The following SCUBE1 variants were observed in gnomAD, a reference collection of about 807,000 sequenced individuals.
SCUBE1 encodes the protein signal peptide, CUB and EGF-like domain-containing protein 1.
SCUBE1 carries 59 observed loss-of-function variants against 124.4 expected under a neutral mutation model. That is an observed-to-expected ratio of 0.47 (90% CI 0.38 to 0.59). The LOEUF is 0.59. Ranked by LOEUF, SCUBE1 falls within the 20% of genes least tolerant of loss-of-function variation. The pLI is 0.00. For missense variants in SCUBE1, 1,150 were observed against 1,371.2 expected (o/e 0.84, Z 2.55); for synonymous variants, 545 against 550.9 (o/e 0.99, Z 0.15).
chr22:43,309,108 C>T (rs572942519), intron 3 of SCUBE1, among the ~76,000 whole-genome samples: 2 of 152,158 alleles, frequency 1.3e-5, no homozygotes, highest in East Asian at 3.9e-4. Context: ...ACGGCCCAGG[C>T]CCAGGCTCGC....
At chr22:43,275,351 G>A (rs1232011918) in intron 4 of SCUBE1, among the ~76,000 whole-genome samples, 4 of 152,238 alleles carry the variant, frequency 2.6e-5, no homozygotes, top group Admixed American at 2.0e-4. Context: ...TGCTCTGCAC[G>A]AGGGGTGTGA....
chr22:43,279,134 C>T (rs1924655625), intron 4 of SCUBE1, among the ~76,000 whole-genome samples: 1 of 152,166 alleles, frequency 6.6e-6, no homozygotes, highest in Non-Finnish European at 1.5e-5. Flanking sequence ...GTTTCAGATA[C>T]AGGCTGCCCC....
intron 2 of SCUBE1, among the ~76,000 whole-genome samples, chr22:43,331,845 A>T (rs1399365868): frequency 6.6e-6 from 1 of 152,200 alleles, no homozygotes; most frequent in African/African-American, 2.4e-5. Flanking sequence ...TGAAAGGCCC[A>T]TGCCCCAGGG....
At chr22:43,270,677 A>T (rs969673161) in intron 4 of SCUBE1, 2 of 152,246 alleles carry the variant, frequency 1.3e-5, no homozygotes, top group African/African-American at 4.8e-5. Flanking sequence ...AGAGAAGTGG[A>T]GCGATTTGCC....
chr22:43,299,716 A>G (rs1925696134), intron 3 of SCUBE1, among the ~76,000 whole-genome samples: 1 of 152,190 alleles, frequency 6.6e-6, no homozygotes, highest in Admixed American at 6.5e-5. Flanking sequence ...GTGTTGCACG[A>G]CCATCACTAC....
At chr22:43,266,345 C>T (rs950631833) in intron 4 of SCUBE1, among the ~76,000 whole-genome samples, 34 of 152,068 alleles carry the variant, frequency 2.2e-4, no homozygotes, top group African/African-American at 8.0e-4. Context: ...ACCCTACAAC[C>T]ACTGCAAGGA....
At chr22:43,303,756 G>A (rs1039215735) in intron 3 of SCUBE1, among the ~76,000 whole-genome samples, 2 of 152,234 alleles carry the variant, frequency 1.3e-5, no homozygotes, top group Non-Finnish European at 2.9e-5. Context: ...ATTCTGAGCC[G>A]ATAAGGAATT....
At chr22:43,218,093 T>C (rs12053796) in intron 15 of SCUBE1, among the ~76,000 whole-genome samples, 162 bp downstream of exon 15, 40,891 of 152,092 alleles carry the variant, frequency 0.27, 7,467 homozygotes, top group East Asian at 0.52. Context: ...CAAATGACAG[T>C]GATGACCATG....
chr22:43,258,772 C>T lies in SCUBE1; in HGVS notation c.611-437G>A, dbSNP rs143906411. Among the ~76,000 whole-genome samples the T allele has an allele frequency of 1.7e-3, 260 of 152,304 alleles. 1 individual carries two copies. The highest frequency in any genetic ancestry group is 5.8e-3 in the African/African-American group (241 of 41,550). ...GCGGCCCGTGGTTCCAGGTGACCCT[C>T]ATTTCCTTAGTTCTGGCAGAGCTTT... On this transcript the variant is annotated intron_variant, in intron 5 of 21. Coordinates refer to ENST00000360835, the MANE Select transcript of SCUBE1 (RefSeq NM_173050.5). This position sits in a 1 kb window ranked among gnomAD's most constrained non-coding sequence, Gnocchi z 5.0.
chr22:43,210,909 C>G lies in SCUBE1; in HGVS notation c.2383+13G>C, dbSNP rs759317979. The G allele has an allele frequency of 6.2e-7, 1 of 1,613,844 alleles. No homozygotes were observed. The highest frequency in any genetic ancestry group is 2.2e-5 in the East Asian group (1 of 44,882). On this transcript the variant is annotated intron_variant, in intron 18 of 21. Coordinates refer to ENST00000360835, the MANE Select transcript of SCUBE1 (RefSeq NM_173050.5). This position sits in a 1 kb window ranked among gnomAD's most constrained non-coding sequence, Gnocchi z 4.5. ...GTGTTCCCAGCTTCCCACGGCAGAG[C>G]AGCAGCACCCACTTTTGCAGTGTGT...
chr22:43,283,456 T>A (rs1385337324), intron 4 of SCUBE1: 4 of 152,230 alleles, frequency 2.6e-5, no homozygotes, highest in Admixed American at 6.5e-5. Flanking sequence ...AGGGGTCAAA[T>A]GAAGCAGTAT....
Position 43,203,831 on chromosome 22 carries a change from G to C in SCUBE1, c.*166C>G. ...GCAGGGTGCTCCCACAGGGGCAGCGGGTCCGAAGGGTGCCTGGGCTCGGTC... is the reference window on the plus strand; with the variant it reads ...GCAGGGTGCTCCCACAGGGGCAGCGCGTCCGAAGGGTGCCTGGGCTCGGTC... On this transcript the variant is annotated 3_prime_UTR_variant, in exon 22 of 22. Coordinates refer to ENST00000360835, the MANE Select transcript of SCUBE1 (RefSeq NM_173050.5). 1.5e-6 allele frequency: 1 copy of C among 659,274 alleles called. No individual in the cohort carries two copies. Among genetic ancestry groups the C allele is most frequent in the South Asian group, 2.0e-5 (1 of 50,754 alleles). The allele number at this position is 659,274 out of a possible 1,614,324, so 40.8% of individuals were successfully genotyped here.
At chr22:43,283,552 C>A (rs2146742440) in intron 4 of SCUBE1, 1 of 152,352 alleles carries the variant, frequency 6.6e-6, no homozygotes, top group South Asian at 2.1e-4. Context: ...TATCTCCTTT[C>A]ATTCTCACAA....
intron 2 of SCUBE1, among the ~76,000 whole-genome samples, chr22:43,338,408 C>T (rs375108260): frequency 1.2e-3 from 190 of 152,306 alleles, no homozygotes; most frequent in Middle Eastern, 3.4e-3. Context: ...TTGAACTTGA[C>T]GTTAGGGACT....
rs1220849825 is a variant in SCUBE1, at chr22:43,258,843, C to A, written c.611-508G>T. Reference sequence around the variant, plus strand: ...GGTGTGTGGATGTCTCCACGGAGGTCCCCCCTCAGAGTCCCAGGGGCCACC... The same window carrying A: ...GGTGTGTGGATGTCTCCACGGAGGTACCCCCTCAGAGTCCCAGGGGCCACC... On this transcript the variant is annotated intron_variant, in intron 5 of 21. Transcript: ENST00000360835. This position sits in a 1 kb window ranked among gnomAD's most constrained non-coding sequence, Gnocchi z 5.0. Among the ~76,000 whole-genome samples, 1 of 152,134 alleles carries A rather than the reference C, an allele frequency of 6.6e-6. No individual in the cohort carries two copies. Among genetic ancestry groups the A allele is most frequent in the South Asian group, 2.1e-4 (1 of 4,824 alleles).
chr22:43,216,461 T>C (rs868118101), intron 15 of SCUBE1, among the ~76,000 whole-genome samples: 95 of 149,376 alleles, frequency 6.4e-4, no homozygotes, highest in African/African-American at 2.2e-3. Flanking sequence ...GAGACCAGCC[T>C]GGCCAACATA....
chr22:43,251,498 G>GC (rs972394953), intron 6 of SCUBE1, among the ~76,000 whole-genome samples: 20 of 152,308 alleles, frequency 1.3e-4, no homozygotes, highest in Middle Eastern at 3.4e-3. Flanking sequence ...ATCTGGAGGG[G>GC]CCCAGCGTGA....
chr22:43,266,535 C>A (rs533041634), intron 4 of SCUBE1, among the ~76,000 whole-genome samples: 2 of 152,176 alleles, frequency 1.3e-5, no homozygotes, highest in African/African-American at 4.8e-5. Flanking sequence ...CTCCCTGCAG[C>A]GCATCTTGTC....
intron 3 of SCUBE1, among the ~76,000 whole-genome samples, chr22:43,304,787 C>T (rs1034605362): frequency 6.6e-6 from 1 of 152,114 alleles, no homozygotes; most frequent in African/African-American, 2.4e-5. Context: ...CTCCCTTCAC[C>T]CCATCTCCAC....
Sources: gnomAD v4.1 joint callset for allele counts (sites outside exome capture counted in the v4.1 genomes callset) on GRCh38, gnomAD v4.1.1 for gene constraint, Gnocchi (gnomAD v3.1) non-coding constraint, MANE v1.5 for transcripts, NCBI Gene and HGNC (gene_info 2026-07-23, HGNC 2026-07-21) for gene names.